KDM4C: variants seen among roughly 807,000 people sequenced by gnomAD.
KDM4C encodes the protein lysine demethylase 4C, also known as lysine-specific demethylase 4C.
In KDM4C, 81 loss-of-function variants were observed where a neutral mutation model predicts 129.3. The observed-to-expected ratio is 0.63, with a 90% confidence interval of 0.52 to 0.75. KDM4C has a LOEUF of 0.75. KDM4C is among the 30% of genes least tolerant of loss of function. The pLI, the probability that KDM4C is intolerant of heterozygous loss-of-function variation, is 0.00. For synonymous variants in KDM4C, 573 were observed against 456.1 expected (o/e 1.26, Z -3.26); for missense variants, 1,457 against 1,304.0 (o/e 1.12, Z -1.81).
At chr9:7,143,955 C>CA (rs1398563969) in intron 19 of KDM4C, among the ~76,000 whole-genome samples, 1 of 152,154 alleles carries the variant, frequency 6.6e-6, no homozygotes, top group Non-Finnish European at 1.5e-5. Flanking sequence ...GTTAAACTCA[C>CA]AGAGATAGAA....
chr9:7,098,804 A>G (rs1836746389), intron 17 of KDM4C, among the ~76,000 whole-genome samples: 1 of 152,200 alleles, frequency 6.6e-6, no homozygotes, highest in African/African-American at 2.4e-5. Context: ...TCTTTACTGT[A>G]GAACTCAGAC....
intron 5 of KDM4C, among the ~76,000 whole-genome samples, chr9:6,855,458 CAAAAAAAAAAA>C (rs34177301): frequency 4.1e-4 from 29 of 70,086 alleles, no homozygotes; most frequent in East Asian, 3.6e-3. Flanking sequence ...GACTCCGTCT[CAAAAAAAAAAA>C]AAAAAAAAAA....
chr9:6,804,892 A>G (rs1426920868), intron 2 of KDM4C, among the ~76,000 whole-genome samples: 1 of 152,078 alleles, frequency 6.6e-6, no homozygotes, highest in Non-Finnish European at 1.5e-5. Flanking sequence ...TTATGTAAAC[A>G]TAATTTCGTC....
chr9:7,077,311 G>C (rs1431636214), intron 17 of KDM4C: 1 of 834,380 alleles, frequency 1.2e-6, no homozygotes, highest in Non-Finnish European at 1.4e-6. Flanking sequence ...CATTGCTTTG[G>C]ACATATAGTT....
intron 1 of KDM4C, among the ~76,000 whole-genome samples, chr9:6,790,996 C>A (rs865897651): frequency 2.0e-5 from 3 of 152,186 alleles, no homozygotes; most frequent in Non-Finnish European, 2.9e-5. Context: ...TCCGTTCCAG[C>A]GGTACTTCCA....
intron 8 of KDM4C, among the ~76,000 whole-genome samples, chr9:6,899,222 A>C (rs1274794461): frequency 6.6e-6 from 1 of 151,896 alleles, no homozygotes; most frequent in Non-Finnish European, 1.5e-5. Flanking sequence ...AAGTATAGAG[A>C]TTCCCCATAT....
chr9:6,985,750 G>A (rs1206205957), intron 10 of KDM4C, among the ~76,000 whole-genome samples: 2 of 152,080 alleles, frequency 1.3e-5, no homozygotes, highest in Non-Finnish European at 2.9e-5. Context: ...GAGTGCCGTG[G>A]CACAATCATA....
chr9:6,900,076 C>T (rs533675538), intron 8 of KDM4C, among the ~76,000 whole-genome samples: 3 of 152,168 alleles, frequency 2.0e-5, no homozygotes, highest in East Asian at 3.8e-4. Context: ...TATGTCAGAT[C>T]GAGCTCTGGG....
chr9:7,108,736 G>A (rs1055817689), intron 18 of KDM4C, among the ~76,000 whole-genome samples: 1 of 152,184 alleles, frequency 6.6e-6, no homozygotes, highest in Admixed American at 6.5e-5. Flanking sequence ...GATGGAATGG[G>A]CTACCTCTCA....
chr9:6,939,898 C>T (rs1825534805), intron 8 of KDM4C, among the ~76,000 whole-genome samples: 6 of 152,134 alleles, frequency 3.9e-5, no homozygotes. Context: ...TGGCTTTATC[C>T]TGTGGGTAGA....
At chr9:7,156,489 C>G (rs949768222) in intron 19 of KDM4C, among the ~76,000 whole-genome samples, 5 of 152,136 alleles carry the variant, frequency 3.3e-5, no homozygotes, top group African/African-American at 9.7e-5. Context: ...GGTTTTAGGT[C>G]TAACATTTAA....
intron 3 of KDM4C, 95 bp downstream of exon 3, chr9:6,805,869 C>G: frequency 8.8e-7 from 1 of 1,133,514 alleles, no homozygotes; most frequent in Non-Finnish European, 1.2e-6. Flanking sequence ...AAATGAAAAG[C>G]AGGAGTCTCC....
intron 17 of KDM4C, among the ~76,000 whole-genome samples, chr9:7,059,332 G>C (rs1426484326): frequency 6.6e-6 from 1 of 152,044 alleles, no homozygotes; most frequent in East Asian, 1.9e-4. Context: ...CGGGCTTCTG[G>C]GTTCAAGCAG....
At chr9:6,975,376 A>C (rs1388693190) in intron 8 of KDM4C, among the ~76,000 whole-genome samples, 1 of 152,240 alleles carries the variant, frequency 6.6e-6, no homozygotes, top group Admixed American at 6.5e-5. Flanking sequence ...TTGAGATGGA[A>C]AAATGTGGCC....
intron 8 of KDM4C, among the ~76,000 whole-genome samples, chr9:6,917,004 C>T (rs1318954419): frequency 1.3e-5 from 2 of 152,106 alleles, no homozygotes; most frequent in African/African-American, 4.8e-5. Flanking sequence ...CATATTCCAC[C>T]CACGAAGATT....
chr9:7,054,434 T>G (rs1233563074), intron 17 of KDM4C, among the ~76,000 whole-genome samples: 1 of 152,192 alleles, frequency 6.6e-6, no homozygotes, highest in Non-Finnish European at 1.5e-5. Flanking sequence ...TAGAGATATA[T>G]AAAACACACA....
chr9:7,092,484 G>C (rs2133056220), intron 17 of KDM4C, among the ~76,000 whole-genome samples: 1 of 152,276 alleles, frequency 6.6e-6, no homozygotes, highest in South Asian at 2.1e-4. Context: ...GGGCTGTTTG[G>C]ATAGGATTCC....
At chr9:6,880,518 C>A (rs1334080696) in intron 6 of KDM4C, among the ~76,000 whole-genome samples, 1 of 152,084 alleles carries the variant, frequency 6.6e-6, no homozygotes, top group African/African-American at 2.4e-5. Flanking sequence ...ACTGCCGACG[C>A]CCAGTTCTTC....
intron 21 of KDM4C, 87 bp from the exon 22 acceptor site, chr9:7,174,466 A>G: frequency 7.5e-7 from 1 of 1,332,078 alleles, no homozygotes; most frequent in Non-Finnish European, 1.1e-6. Flanking sequence ...CTGCACCCTA[A>G]CCCCAGCTGA....
Sources: gnomAD v4.1 joint callset for allele counts (sites outside exome capture counted in the v4.1 genomes callset) on GRCh38, gnomAD v4.1.1 for gene constraint, MANE v1.5 for transcripts, NCBI Gene and HGNC (gene_info 2026-07-23, HGNC 2026-07-21) for gene names.